Variants in PREX1 observed in about 807,000 individuals in gnomAD.
PREX1 encodes phosphatidylinositol 3,4,5-trisphosphate-dependent Rac exchanger 1 protein.
PREX1 carries 41 observed loss-of-function variants against 198.3 expected under a neutral mutation model. The ratio of observed to expected loss-of-function variants is 0.21; its 90% CI spans 0.16 to 0.27. The LOEUF is 0.27. Ranked by LOEUF, PREX1 falls within the 10% of genes least tolerant of loss-of-function variation. PREX1 has a pLI of 1.00. For synonymous variants in PREX1, 843 were observed against 887.2 expected (o/e 0.95, Z 0.89); for missense variants, 1,620 against 2,200.7 (o/e 0.74, Z 5.28).
upstream of PREX1, among the ~76,000 whole-genome samples, chr20:48,832,506 C>T (rs1417341820): frequency 1.3e-5 from 2 of 152,174 alleles, no homozygotes; most frequent in African/African-American, 4.8e-5. Context: ...TTCCCAAATG[C>T]AAATGAGTTC....
At chr20:48,741,128 T>A (rs2090079666) in intron 3 of PREX1, among the ~76,000 whole-genome samples, 1 of 152,174 alleles carries the variant, frequency 6.6e-6, no homozygotes, top group East Asian at 1.9e-4. Flanking sequence ...TGAATCAATT[T>A]TTTAAAGCAT....
intron 10 of PREX1, among the ~76,000 whole-genome samples, chr20:48,688,082 C>T (rs1006168815): frequency 1.3e-5 from 2 of 151,902 alleles, no homozygotes; most frequent in Non-Finnish European, 2.9e-5. Flanking sequence ...GTTATGGCAG[C>T]CCCAGCCAAA....
intron 5 of PREX1, among the ~76,000 whole-genome samples, chr20:48,712,467 C>T (rs2089936343): frequency 6.6e-6 from 1 of 152,230 alleles, no homozygotes; most frequent in Admixed American, 6.5e-5. Context: ...CTGATGGGCA[C>T]TGCCACCATA....
At chr20:48,839,376 T>G in the PREX1 span, among the ~76,000 whole-genome samples, 1 of 152,224 alleles carries the variant, frequency 6.6e-6, no homozygotes, top group Non-Finnish European at 1.5e-5. Context: ...GTTCTTTAGA[T>G]CCATCTGCCA....
chr20:48,876,292 A>G, the PREX1 span, among the ~76,000 whole-genome samples: 1 of 152,298 alleles, frequency 6.6e-6, no homozygotes, highest in African/African-American at 2.4e-5. Flanking sequence ...TCAGGTGGGC[A>G]GGACGGGAGC....
chr20:48,879,289 G>T, the PREX1 span, among the ~76,000 whole-genome samples: 2 of 152,140 alleles, frequency 1.3e-5, no homozygotes, highest in African/African-American at 4.8e-5. Flanking sequence ...ATTTAAATCT[G>T]TTTTCCCTTT....
the PREX1 span, among the ~76,000 whole-genome samples, chr20:48,843,051 T>C: frequency 6.6e-6 from 1 of 152,240 alleles, no homozygotes; most frequent in East Asian, 1.9e-4. Flanking sequence ...AATCTTAAGA[T>C]GCCTCACCAT....
chr20:48,660,676 A>C (rs957411597), intron 15 of PREX1, among the ~76,000 whole-genome samples: 3 of 147,014 alleles, frequency 2.0e-5, no homozygotes, highest in African/African-American at 8.2e-5. Context: ...CCATTCGATA[A>C]CAACTCCATA....
chr20:48,852,050 T>C, the PREX1 span, among the ~76,000 whole-genome samples: 1 of 148,590 alleles, frequency 6.7e-6, no homozygotes, highest in Non-Finnish European at 1.5e-5. Flanking sequence ...CTGCACCTAT[T>C]TTTTTTTTTA....
chr20:48,636,202 A>C (rs1467606884), intron 32 of PREX1, among the ~76,000 whole-genome samples: 3 of 152,232 alleles, frequency 2.0e-5, no homozygotes. Flanking sequence ...GCTGGTCTGT[A>C]GCATGGATTC....
intron 17 of PREX1, 87 bp downstream of exon 17, chr20:48,658,048 TG>T: frequency 1.6e-6 from 2 of 1,281,450 alleles, no homozygotes; most frequent in Non-Finnish European, 2.2e-6. Context: ...CAGAATCTCC[TG>T]GGCTGGGCTG....
chr20:48,804,433 A>G (rs974069823), intron 1 of PREX1, among the ~76,000 whole-genome samples: 2 of 152,214 alleles, frequency 1.3e-5, no homozygotes, highest in African/African-American at 4.8e-5. Flanking sequence ...AGACCTGAAG[A>G]GGTCATGAGT....
rs1339223061 is a variant in PREX1 at position 48,827,223 on chromosome 20, C to T, written c.219+419G>A. ...CGCGCAGGGACGTTGGGCTCTGGGG[C>T]TCCTACGGTATGTCCTAGATGAGTG... On this transcript the variant is annotated intron_variant, in intron 1 of 39. Coordinates refer to ENST00000371941, the MANE Select transcript of PREX1 (RefSeq NM_020820.4). This position sits in a 1 kb window ranked among gnomAD's most constrained non-coding sequence, Gnocchi z 4.1. 6.6e-6 allele frequency among the ~76,000 whole-genome samples: 1 copy of T among 152,230 alleles called. No individual in the cohort carries two copies. Among genetic ancestry groups the T allele is most frequent in the African/African-American group, 2.4e-5 (1 of 41,462 alleles).
At chr20:48,882,083 T>C in the PREX1 span, among the ~76,000 whole-genome samples, 5 of 152,194 alleles carry the variant, frequency 3.3e-5, no homozygotes, top group Admixed American at 6.5e-5. Flanking sequence ...CATGTATCAG[T>C]TCTTTATAAC....
At chr20:48,740,042 C>G (rs149414399) in intron 3 of PREX1, among the ~76,000 whole-genome samples, 57 of 152,282 alleles carry the variant, frequency 3.7e-4, no homozygotes, top group African/African-American at 1.3e-3. Context: ...GGACTCTTCC[C>G]CCATCTGATC....
At chr20:48,680,387 G>A (rs988464356) in intron 11 of PREX1, among the ~76,000 whole-genome samples, 2 of 152,116 alleles carry the variant, frequency 1.3e-5, no homozygotes, top group African/African-American at 2.4e-5. Flanking sequence ...TTCTGCCAGC[G>A]TGTTCGTCCA....
chr20:48,627,770 G>A (rs1027192965), intron 38 of PREX1, 91 bp downstream of exon 38: 255 of 1,411,078 alleles, frequency 1.8e-4, no homozygotes, highest in Non-Finnish European at 2.4e-4. Context: ...TCTGGGGCTG[G>A]TGGCTACCAG....
intron 1 of PREX1, among the ~76,000 whole-genome samples, chr20:48,819,614 T>C (rs994427984): frequency 2.0e-5 from 3 of 152,260 alleles, no homozygotes; most frequent in African/African-American, 7.2e-5. Flanking sequence ...AATGATGATA[T>C]TGACCTCAGG....
At position 48,650,183 on chromosome 20, in the gene PREX1, C is replaced by A. The variant is rs1021057205; in HGVS notation, c.2841G>T (p.Arg947Ser). 5.6e-6 allele frequency: 9 copies of A among 1,613,176 alleles called. No homozygotes were observed. In the Admixed American group the frequency reaches 1.0e-4, roughly 18 times the overall value. The change falls in exon 24 of 40, where the codon AGG becomes AGT. Residue 947 changes from arginine to serine, a missense_variant. Arg to Ser is a moderately radical substitution (Grantham distance 110). Transcript: ENST00000371941. The part of the protein sequence containing the change: ...YQEFAAQLKS[R>S]VSPPFKQAPL... ...GGGCTTGTTTGAAGGGTGGGCTGAC[C>A]CTGCTCTTCAGTTGGGCTGCAAACT...
Sources: allele counts gnomAD v4.1 joint callset (sites outside exome capture counted in the v4.1 genomes callset), GRCh38; gene constraint gnomAD v4.1.1; non-coding constraint Gnocchi (gnomAD v3.1); transcripts MANE v1.5; gene names NCBI Gene and HGNC (gene_info 2026-07-23, HGNC 2026-07-21).